MTMR6: variants seen among roughly 807,000 people sequenced by gnomAD.
MTMR6 encodes the protein phosphatidylinositol-3,5-bisphosphate 3-phosphatase MTMR6.
MTMR6 carries 47 observed loss-of-function variants against 80.1 expected under a neutral mutation model. That is an observed-to-expected ratio of 0.59 (90% CI 0.46 to 0.75). The LOEUF (loss-of-function observed/expected upper bound fraction) is 0.75, where lower values mean the gene tolerates loss of function less well. Among genes scored for constraint, MTMR6 ranks in the 30% least tolerant of loss-of-function variants. MTMR6 has a pLI of 0.00. For missense variants in MTMR6, 629 were observed against 730.9 expected (o/e 0.86, Z 1.61); for synonymous variants, 254 against 253.0 (o/e 1.00, Z -0.04).
intron 2 of MTMR6, among the ~76,000 whole-genome samples, chr13:25,273,846 A>C (rs1385475648): frequency 2.0e-5 from 3 of 152,100 alleles, no homozygotes; most frequent in Non-Finnish European, 4.4e-5. Context: ...GGTATTTCAT[A>C]ATTATTTATG....
intron 6 of MTMR6, chr13:25,260,484 A>T: frequency 3.6e-6 from 2 of 552,730 alleles, no homozygotes; most frequent in Non-Finnish European, 5.3e-6. Context: ...ATCTTTTGTG[A>T]AATTGCATAA....
Position 25,287,268 on chromosome 13 carries a change from C to T in MTMR6, c.-21G>A, listed in dbSNP as rs762986746. 3.0e-5 allele frequency: 47 copies of T among 1,588,698 alleles called. No individual in the cohort carries two copies. Among genetic ancestry groups the T allele is most frequent in the Admixed American group, 3.5e-5 (2 of 57,702 alleles). On this transcript the variant is annotated 5_prime_UTR_variant, in exon 1 of 14. Transcript: ENST00000381801. ...TCCATCGCAAGGAGACGTCAGCCGG[C>T]AGCCGGTCTCACAGGCGTACCATAC... is the stretch of plus-strand genomic sequence containing the variant.
chr13:25,260,369 T>A (rs1325231684), intron 6 of MTMR6, among the ~76,000 whole-genome samples: 1 of 152,122 alleles, frequency 6.6e-6, no homozygotes, highest in African/African-American at 2.4e-5. Context: ...AGTTTCTCCA[T>A]GTTGGTCAGA....
chr13:25,261,677 G>A lies in MTMR6; in HGVS notation c.717C>T (p.Thr239=). The A allele has an allele frequency of 6.2e-7, 1 of 1,609,004 alleles. No individual in the cohort carries two copies. Among genetic ancestry groups the A allele is most frequent in the Non-Finnish European group, 8.5e-7 (1 of 1,177,246 alleles). ...TATTTAAAATACATACTTTTGGCCTGGTATCCATGACGTACATATAGCGAT... is the reference window on the plus strand; with the variant it reads ...TATTTAAAATACATACTTTTGGCCTAGTATCCATGACGTACATATAGCGAT... ...PVNRYMYVMD[T]RPKLNAMANR... Residue 239 remains threonine, a synonymous_variant, in exon 6 of 14, where the codon ACC becomes ACT. Coordinates refer to ENST00000381801, the MANE Select transcript of MTMR6 (RefSeq NM_004685.5).
intron 5 of MTMR6, among the ~76,000 whole-genome samples, chr13:25,264,753 C>CAAAAAAAAA (rs769719876): frequency 6.0e-5 from 2 of 33,480 alleles, no homozygotes; most frequent in African/African-American, 9.0e-5. Flanking sequence ...AACTCCATCT[C>CAAAAAAAAA]AAAAAAAAAA....
Position 25,258,705 on chromosome 13 carries a change from G to T in MTMR6, c.727-13C>A. ...CCATTGCATTCAGCTAAAATTAAAA[G>T]TTTTAGAAATTTAGAGACAAATTAC... On this transcript the variant is annotated splice_polypyrimidine_tract_variant and intron_variant, in intron 6 of 13. Coordinates refer to ENST00000381801, the MANE Select transcript of MTMR6 (RefSeq NM_004685.5). The T allele has an allele frequency of 6.6e-7, 1 of 1,507,498 alleles. No homozygotes were observed. The highest frequency in any genetic ancestry group is 8.8e-7 in the Non-Finnish European group (1 of 1,136,224). 93.4% of individuals were successfully genotyped at this position (1,507,498 alleles called of 1,614,324 possible). A position where few individuals can be genotyped will look rare whatever the true frequency, so the allele number is the denominator to read the frequency against.
At chr13:25,279,620 C>T (rs1057063990) in intron 1 of MTMR6, among the ~76,000 whole-genome samples, 6 of 152,272 alleles carry the variant, frequency 3.9e-5, no homozygotes, top group Admixed American at 2.0e-4. Context: ...TGTCAAGCTA[C>T]TATCCAGATA....
intron 1 of MTMR6, among the ~76,000 whole-genome samples, chr13:25,284,143 GT>G (rs368048921): frequency 1.2e-4 from 18 of 152,184 alleles, no homozygotes; most frequent in African/African-American, 4.3e-4. Flanking sequence ...ACAAAAAGAG[GT>G]TTGGGGGGGA....
At chr13:25,259,153 A>C (rs1423668121) in intron 6 of MTMR6, among the ~76,000 whole-genome samples, 2 of 152,192 alleles carry the variant, frequency 1.3e-5, no homozygotes. Context: ...ATCAGATCTG[A>C]AATATGCTTC....
Position 25,266,216 on chromosome 13 carries a change from C to T in MTMR6, c.375G>A (p.Trp125Ter), listed in dbSNP as rs1957451355. 1.2e-6 allele frequency: 2 copies of T among 1,613,738 alleles called. No homozygotes were observed. Among genetic ancestry groups the T allele is most frequent in the Admixed American group, 1.7e-5 (1 of 60,006 alleles). ...KQNDSERLQG[W>*]QLIDLAEEYK... is the part of the protein sequence containing the mutation. The stretch of plus-strand genomic sequence containing the variant: ...ATTCCTCAGCGAGATCAATGAGCTG[C>T]CAGCCTTGTAGTCGTTCTGAATCAT... The change falls in exon 4 of 14, where the codon TGG becomes TGA. Residue 125 changes from tryptophan to a stop codon, truncating the protein, a stop_gained. Transcript: ENST00000381801. LOFTEE classifies it high-confidence loss of function.
rs755332397 is a variant in MTMR6 at position 25,287,234 on chromosome 13, C to T, written c.14G>A (p.Arg5Gln). Residue 5 changes from arginine to glutamine, a missense_variant, in exon 1 of 14, where the codon CGG becomes CAG. By Grantham distance (43) the Arg-to-Gln change is conservative. Transcript: ENST00000381801. ...CCCGCGCCCGACTACCTTGGTCGTC[C>T]GGATATGCTCCATCGCAAGGAGACG... MEHI[R>Q]TTKVEQVKLL... 5.0e-6 allele frequency: 8 copies of T among 1,597,738 alleles called. No homozygotes were observed. Among genetic ancestry groups the T allele is most frequent in the Non-Finnish European group, 6.8e-6 (8 of 1,174,668 alleles).
intron 5 of MTMR6, among the ~76,000 whole-genome samples, chr13:25,262,460 T>C (rs1323670816): frequency 6.6e-6 from 1 of 152,186 alleles, no homozygotes; most frequent in Non-Finnish European, 1.5e-5. Flanking sequence ...CTTGACCTCC[T>C]GGGCTCAAGC....
intron 2 of MTMR6, among the ~76,000 whole-genome samples, chr13:25,273,572 C>CTGGAGTGCAA (rs1475889142): frequency 1.4e-5 from 2 of 148,110 alleles, no homozygotes; most frequent in Non-Finnish European, 3.0e-5. Flanking sequence ...GTCACCCAGG[C>CTGGAGTGCAA]TGGAGTGCAA....
rs117494349 is a variant in MTMR6 at position 25,278,444 on chromosome 13, T to C, written c.25-4257A>G. ...CCTGCTTTACTAAACATATAAAAATTAGCAGCCGGGCGCAGCTTGCAATCC... is the reference window on the plus strand; with the variant it reads ...CCTGCTTTACTAAACATATAAAAATCAGCAGCCGGGCGCAGCTTGCAATCC... On this transcript the variant is annotated intron_variant, in intron 1 of 13. Transcript: ENST00000381801. Among the ~76,000 whole-genome samples, 142 of 151,992 alleles carry C rather than the reference T, an allele frequency of 9.3e-4. No individual in the cohort carries two copies. The South Asian group carries it at 9.4e-3, about 10-fold the overall frequency.
Position 25,265,946 on chromosome 13 carries a change from A to G in MTMR6, c.464T>C (p.Ile155Thr), listed in dbSNP as rs757680773. 3 of 1,613,014 alleles carry G rather than the reference A, an allele frequency of 1.9e-6. No homozygotes were observed. Among genetic ancestry groups the G allele is most frequent in the Non-Finnish European group, 2.5e-6 (3 of 1,179,042 alleles). ...QLSDANRDYK[I>T]CETYPRELYV... is the part of the protein sequence containing the mutation. ...AAGTTCTCTGGGGTAAGTTTCACAA[A>G]TCTGTAAATATCAAACAAAACATAA... The change falls in exon 5 of 14, where the codon ATT (isoleucine) becomes ACT (threonine). Residue 155 changes from isoleucine to threonine, a missense_variant and splice_region_variant. Physicochemically the swap from Ile to Thr is moderately conservative, Grantham distance 89. Transcript: ENST00000381801.
intron 3 of MTMR6, 81 bp downstream of exon 3, chr13:25,267,695 TAAC>T (rs1266093685): frequency 7.3e-7 from 1 of 1,374,178 alleles, no homozygotes; most frequent in Non-Finnish European, 9.9e-7. Flanking sequence ...AAGGATAAAA[TAAC>T]AATAATAAAA....
At chr13:25,273,417 C>G (rs1278216821) in intron 2 of MTMR6, among the ~76,000 whole-genome samples, 1 of 151,818 alleles carries the variant, frequency 6.6e-6, no homozygotes, top group Non-Finnish European at 1.5e-5. Context: ...AAATAAGTAC[C>G]CTAATTAAAA....
chr13:25,258,851 G>A (rs1379802883), intron 6 of MTMR6, among the ~76,000 whole-genome samples, 159 bp from the exon 7 acceptor site: 1 of 152,130 alleles, frequency 6.6e-6, no homozygotes, highest in Non-Finnish European at 1.5e-5. Flanking sequence ...AAGTAAAAAT[G>A]CCACATTATT....
intron 6 of MTMR6, among the ~76,000 whole-genome samples, chr13:25,260,082 C>T (rs1957298414): frequency 1.3e-5 from 2 of 151,944 alleles, no homozygotes; most frequent in Admixed American, 1.3e-4. Context: ...AGGCTGGTCT[C>T]AAACTCCTGA....
Sources: allele counts gnomAD v4.1 joint callset (sites outside exome capture counted in the v4.1 genomes callset), GRCh38; gene constraint gnomAD v4.1.1; transcripts MANE v1.5; gene names NCBI Gene and HGNC (gene_info 2026-07-23, HGNC 2026-07-21).